KNL1: variants seen among roughly 807,000 people sequenced by gnomAD.
The protein encoded by KNL1 is kinetochore scaffold 1.
KNL1 carries 66 observed loss-of-function variants against 201.3 expected under a neutral mutation model. The observed-to-expected ratio is 0.33, with a 90% CI of 0.27 to 0.40. The LOEUF is 0.40. Ranked by LOEUF, KNL1 falls within the 10% of genes least tolerant of loss-of-function variation. KNL1 has a pLI of 1.00. For missense variants in KNL1, 2,815 were observed against 2,690.5 expected (o/e 1.05, Z -1.02); for synonymous variants, 895 against 899.2 (o/e 1.00, Z 0.08).
At chr15:40,630,484 G>A (rs1320601251) in intron 13 of KNL1, among the ~76,000 whole-genome samples, 3 of 152,168 alleles carry the variant, frequency 2.0e-5, no homozygotes, top group Non-Finnish European at 4.4e-5. Flanking sequence ...TTAGGAACTG[G>A]GCCAAACAGC....
chr15:40,615,193 G>C (rs1364192718), intron 7 of KNL1, 148 bp from the exon 8 acceptor site: 1 of 329,050 alleles, frequency 3.0e-6, no homozygotes, highest in East Asian at 1.2e-4. Flanking sequence ...TTCTGCATTA[G>C]ATGAGTCTTT....
At chr15:40,659,894 A>ATGTTTG (rs1555423682) in intron 25 of KNL1, among the ~76,000 whole-genome samples, 1 of 146,872 alleles carries the variant, frequency 6.8e-6, no homozygotes, top group Non-Finnish European at 1.5e-5. Context: ...TGAAGAATTT[A>ATGTTTG]TGTGTGTGTG....
At chr15:40,652,213 G>C in intron 21 of KNL1, 108 bp downstream of exon 21, 4 of 579,998 alleles carry the variant, frequency 6.9e-6, no homozygotes, top group Non-Finnish European at 1.2e-5. Flanking sequence ...CATGATGAGA[G>C]CACTGCTGAA....
chr15:40,609,617 A>G (rs1420088556), intron 5 of KNL1, among the ~76,000 whole-genome samples: 1 of 152,170 alleles, frequency 6.6e-6, no homozygotes, highest in African/African-American at 2.4e-5. Flanking sequence ...AATAATGTTT[A>G]TAATCACTGT....
chr15:40,659,853 G>A (rs1893852853), intron 25 of KNL1, among the ~76,000 whole-genome samples: 1 of 150,984 alleles, frequency 6.6e-6, no homozygotes, highest in African/African-American at 2.4e-5. Context: ...ACCATAGTGA[G>A]AGCTAAACTT....
chr15:40,622,359 A>G lies in KNL1; in HGVS notation c.2095A>G (p.Thr699Ala). The change falls in exon 10 of 26, where the codon ACA (threonine) becomes GCA (alanine). Residue 699 changes from threonine (T) to alanine (A), a missense_variant. Thr to Ala is a moderately conservative substitution (Grantham distance 58). This residue lies in a region of KNL1 where 2,464 missense variants were observed against 2,291.7 expected (regional missense o/e 1.08). Coordinates refer to ENST00000399668, the MANE Select transcript of KNL1 (RefSeq NM_144508.5). Reference protein sequence around the residue: ...VSWEQSLFSTTKPLFSSGQFS... With the variant: ...VSWEQSLFSTAKPLFSSGQFS... ...ATGGGAACAATCTTTGTTTTCTACCACAAAGCCATTATTTTCATCAGGACA... is the reference window on the plus strand; with the variant it reads ...ATGGGAACAATCTTTGTTTTCTACCGCAAAGCCATTATTTTCATCAGGACA... 1 of 1,613,934 alleles carries G rather than the reference A, an allele frequency of 6.2e-7. No homozygotes were observed. Among genetic ancestry groups the G allele is most frequent in the Non-Finnish European group, 8.5e-7 (1 of 1,179,882 alleles).
rs1468045806 is a variant in KNL1 at position 40,663,918 on chromosome 15, G to A, written c.*1730G>A. The A allele has an allele frequency of 1.0e-5, 2 of 190,946 alleles. No homozygotes were observed. The highest frequency in any genetic ancestry group is 2.2e-5 in the Non-Finnish European group (2 of 91,264). The allele number at this position is 190,946 out of a possible 1,614,324, so 11.8% of individuals were successfully genotyped here. A position where few individuals can be genotyped will look rare whatever the true frequency, so the allele number is the denominator to read the frequency against. On this transcript the variant is annotated 3_prime_UTR_variant, in exon 26 of 26. Coordinates refer to ENST00000399668, the MANE Select transcript of KNL1 (RefSeq NM_144508.5). ...ATTGGTTTTTACTTCTGAGCTATAC[G>A]TCAAAAGACACATAAGCTTCAAAAG...
chr15:40,656,735 AAGT>A (rs1893745155), intron 22 of KNL1, among the ~76,000 whole-genome samples: 1 of 151,742 alleles, frequency 6.6e-6, no homozygotes, highest in Non-Finnish European at 1.5e-5. Flanking sequence ...AAAATACAAA[AAGT>A]AGCCGGGTAT....
intron 3 of KNL1, among the ~76,000 whole-genome samples, chr15:40,605,693 T>C (rs1389106307): frequency 6.6e-6 from 1 of 152,130 alleles, no homozygotes; most frequent in Non-Finnish European, 1.5e-5. Flanking sequence ...CAAGTGATCC[T>C]CCTGCCTCAG....
At chr15:40,603,512 A>C (rs144015164) in intron 2 of KNL1, among the ~76,000 whole-genome samples, 119 of 152,294 alleles carry the variant, frequency 7.8e-4, no homozygotes, top group Non-Finnish European at 1.4e-3. Context: ...GGTGGCTCAC[A>C]CCTGTAGTCC....
At chr15:40,635,247 TTTCACTGTG>T (rs1893021756) in intron 13 of KNL1, among the ~76,000 whole-genome samples, 1 of 151,504 alleles carries the variant, frequency 6.6e-6, no homozygotes, top group Admixed American at 6.6e-5. Flanking sequence ...AGAGACAGGG[TTTCACTGTG>T]TTAGCCAGGA....
At chr15:40,612,519 GTTGT>G (rs1169539547) in intron 7 of KNL1, among the ~76,000 whole-genome samples, 4 of 151,810 alleles carry the variant, frequency 2.6e-5, no homozygotes, top group South Asian at 4.2e-4. Flanking sequence ...TGCTGTTGTT[GTTGT>G]TTGTTTGTTG....
chr15:40,661,095 C>G (rs533314360), intron 25 of KNL1, among the ~76,000 whole-genome samples: 1 of 150,178 alleles, frequency 6.7e-6, no homozygotes, highest in East Asian at 2.0e-4. Context: ...TCACCTAGGC[C>G]GGGCATGGTG....
chr15:40,657,572 C>T (rs974946910), intron 24 of KNL1, 99 bp downstream of exon 24: 7 of 668,318 alleles, frequency 1.0e-5, no homozygotes, highest in South Asian at 1.8e-5. Context: ...AAGGTGTAAG[C>T]GGGTGTTATT....
At chr15:40,655,002 T>C in intron 22 of KNL1, 25 bp downstream of exon 22, 1 of 1,584,374 alleles carries the variant, frequency 6.3e-7, no homozygotes, top group Non-Finnish European at 8.7e-7. Context: ...TTTAAGCCTC[T>C]AAAAATTTGT....
At chr15:40,628,936 G>A (rs1468298303) in intron 12 of KNL1, among the ~76,000 whole-genome samples, 1 of 152,130 alleles carries the variant, frequency 6.6e-6, no homozygotes, top group Non-Finnish European at 1.5e-5. Context: ...TGGTGCCTGA[G>A]GGAAGAGAAT....
intron 1 of KNL1, among the ~76,000 whole-genome samples, chr15:40,595,287 A>G (rs201218731): frequency 6.6e-6 from 1 of 152,260 alleles, no homozygotes; most frequent in East Asian, 1.9e-4. Context: ...TAACTAGAAT[A>G]CAAGACAGAA....
chr15:40,632,535 G>C (rs1292613755), intron 13 of KNL1, among the ~76,000 whole-genome samples: 1 of 151,870 alleles, frequency 6.6e-6, no homozygotes, highest in Non-Finnish European at 1.5e-5. Flanking sequence ...CCAACAGGCA[G>C]AACTTGCAAG....
At chr15:40,619,872 C>T (rs563808583) in intron 9 of KNL1, among the ~76,000 whole-genome samples, 3 of 152,136 alleles carry the variant, frequency 2.0e-5, no homozygotes, top group African/African-American at 7.2e-5. Context: ...TATAATTAAC[C>T]TTGAATTTTT....
Sources: gnomAD v4.1 joint callset for allele counts (sites outside exome capture counted in the v4.1 genomes callset) on GRCh38, gnomAD v4.1.1 for gene constraint, gnomAD v4.1.1 regional missense constraint, MANE v1.5 for transcripts, NCBI Gene and HGNC (gene_info 2026-07-23, HGNC 2026-07-21) for gene names.